AGBL1: variants seen among roughly 807,000 people sequenced by gnomAD.
AGBL1 encodes AGBL carboxypeptidase 1, also known as cytosolic carboxypeptidase 4.
Under a neutral mutation model 118.9 loss-of-function variants are expected in AGBL1, and 130 were observed. The observed-to-expected ratio is 1.09, with a 90% CI of 0.95 to 1.26. The LOEUF is 1.26. AGBL1 is among the 50% of genes most tolerant of loss of function. The probability of loss-of-function intolerance (pLI) is 0.00; values close to 1 mark genes in which losing one functional copy is unlikely to be tolerated. For missense variants in AGBL1, 1,584 were observed against 1,298.1 expected, an observed-to-expected ratio of 1.22 and a Z score of -3.38; for synonymous variants, 555 against 478.9, an observed-to-expected ratio of 1.16 and a Z score of -2.08.
At chr15:86,728,693 G>A (rs1044796807) in intron 22 of AGBL1, among the ~76,000 whole-genome samples, 1 of 152,060 alleles carries the variant, frequency 6.6e-6, no homozygotes, top group Non-Finnish European at 1.5e-5. Context: ...ACTACTGAGG[G>A]TTTTTCTTTT....
chr15:86,802,365 T>C (rs1448223048), intron 22 of AGBL1, among the ~76,000 whole-genome samples: 1 of 152,052 alleles, frequency 6.6e-6, no homozygotes, highest in African/African-American at 2.4e-5. Flanking sequence ...GTAACCCCAG[T>C]TCCTATCACA....
At chr15:86,360,078 TG>T (rs1465413993) in intron 17 of AGBL1, among the ~76,000 whole-genome samples, 1 of 152,052 alleles carries the variant, frequency 6.6e-6, no homozygotes, top group Non-Finnish European at 1.5e-5. Flanking sequence ...AGTACTATGC[TG>T]AATAGAGGTG....
intron 22 of AGBL1, among the ~76,000 whole-genome samples, chr15:86,675,784 T>C (rs902094391): frequency 2.0e-5 from 3 of 152,168 alleles, no homozygotes; most frequent in Non-Finnish European, 4.4e-5. Flanking sequence ...CTTTCTCTTT[T>C]TCCCCCTCTC....
At chr15:86,607,819 G>A (rs2084598700) in intron 21 of AGBL1, among the ~76,000 whole-genome samples, 1 of 152,122 alleles carries the variant, frequency 6.6e-6, no homozygotes, top group Non-Finnish European at 1.5e-5. Context: ...ATGTCTCAAG[G>A]GGAATGTGCT....
At chr15:86,899,240 G>T (rs866009713) in intron 22 of AGBL1, among the ~76,000 whole-genome samples, 1 of 152,182 alleles carries the variant, frequency 6.6e-6, no homozygotes, top group South Asian at 2.1e-4. Context: ...TTGTGGGAAC[G>T]TGGATGGAGC....
chr15:86,994,575 C>T (rs751726363), intron 24 of AGBL1, among the ~76,000 whole-genome samples: 1 of 151,908 alleles, frequency 6.6e-6, no homozygotes, highest in Non-Finnish European at 1.5e-5. Flanking sequence ...ATTTCCCAGA[C>T]AATGAAAAAA....
intron 22 of AGBL1, among the ~76,000 whole-genome samples, chr15:86,784,667 GAGCCAC>G (rs2078381899): frequency 6.6e-6 from 1 of 152,060 alleles, no homozygotes; most frequent in Non-Finnish European, 1.5e-5. Context: ...ACCACTCTCT[GAGCCAC>G]AGTTCAGAGG....
At chr15:86,275,648 G>A (rs900212095) in intron 15 of AGBL1, among the ~76,000 whole-genome samples, 4 of 152,150 alleles carry the variant, frequency 2.6e-5, no homozygotes, top group African/African-American at 9.7e-5. Context: ...GATTATAAAA[G>A]TGCAGATCCT....
At chr15:86,833,546 A>C (rs930457232) in intron 22 of AGBL1, among the ~76,000 whole-genome samples, 1 of 152,120 alleles carries the variant, frequency 6.6e-6, no homozygotes, top group Non-Finnish European at 1.5e-5. Flanking sequence ...AGGCCTTCCC[A>C]GCCATATGGA....
At chr15:86,703,258 C>G (rs1466627192) in intron 22 of AGBL1, among the ~76,000 whole-genome samples, 1 of 152,084 alleles carries the variant, frequency 6.6e-6, no homozygotes, top group Non-Finnish European at 1.5e-5. Flanking sequence ...ATCAAGAAAA[C>G]AGTTTGGATA....
intron 24 of AGBL1, among the ~76,000 whole-genome samples, chr15:86,992,429 A>G (rs10163000): frequency 1.8e-4 from 28 of 152,290 alleles, no homozygotes; most frequent in African/African-American, 5.1e-4. Flanking sequence ...AATCTTTAGA[A>G]TTGCACTTTT....
chr15:86,996,964 C>G (rs2081385864), intron 24 of AGBL1, among the ~76,000 whole-genome samples: 1 of 151,958 alleles, frequency 6.6e-6, no homozygotes, highest in African/African-American at 2.4e-5. Context: ...CAGAAAATAT[C>G]CATTATAAAA....
At chr15:86,976,957 C>T (rs1203839131) in intron 23 of AGBL1, among the ~76,000 whole-genome samples, 1 of 151,916 alleles carries the variant, frequency 6.6e-6, no homozygotes, top group African/African-American at 2.4e-5. Context: ...ACTACATTTG[C>T]AGCATGTTAT....
At chr15:86,442,711 C>T (rs2082079144) in intron 18 of AGBL1, among the ~76,000 whole-genome samples, 1 of 152,152 alleles carries the variant, frequency 6.6e-6, no homozygotes, top group South Asian at 2.1e-4. Context: ...CCTCTTATAG[C>T]TCTGGTGGAT....
chr15:86,238,439 A>T (rs77843745), intron 6 of AGBL1, among the ~76,000 whole-genome samples: 2,358 of 152,338 alleles, frequency 0.015, 52 homozygotes, highest in Non-Finnish European at 0.018. Context: ...CATAGGGAGA[A>T]TCTGGCTTTC....
intron 23 of AGBL1, among the ~76,000 whole-genome samples, chr15:86,930,511 T>C (rs991423778): frequency 1.3e-5 from 2 of 151,838 alleles, no homozygotes; most frequent in Non-Finnish European, 2.9e-5. Flanking sequence ...AGATGCTTAC[T>C]TAGAGGTCAT....
At chr15:86,761,889 T>G in intron 22 of AGBL1, among the ~76,000 whole-genome samples, 1 of 152,134 alleles carries the variant, frequency 6.6e-6, no homozygotes, top group Non-Finnish European at 1.5e-5. Context: ...TTTGGCAATT[T>G]CATCATAAAA....
At chr15:86,255,612 G>C (rs545356275) in intron 7 of AGBL1, among the ~76,000 whole-genome samples, 8 of 152,096 alleles carry the variant, frequency 5.3e-5, no homozygotes, top group African/African-American at 1.9e-4. Context: ...GGGAAACCCC[G>C]TCTCTATTCA....
At chr15:86,878,715 T>C (rs926788591) in intron 22 of AGBL1, among the ~76,000 whole-genome samples, 4,399 of 152,254 alleles carry the variant, frequency 0.029, 200 homozygotes, top group African/African-American at 0.098. Flanking sequence ...TGTAGTTTTC[T>C]GCAATGCTTT....
Sources: allele counts gnomAD v4.1 joint callset (sites outside exome capture counted in the v4.1 genomes callset), GRCh38; gene constraint gnomAD v4.1.1; transcripts MANE v1.5; gene names NCBI Gene and HGNC (gene_info 2026-07-23, HGNC 2026-07-21).